PTPRD: variants seen among roughly 807,000 people sequenced by gnomAD.
PTPRD encodes the protein protein tyrosine phosphatase receptor type D.
A neutral mutation model predicts 214.5 loss-of-function variants in PTPRD; 34 were observed. That is an observed-to-expected ratio of 0.16 (90% CI 0.12 to 0.21). PTPRD has a LOEUF of 0.21. Ranked by LOEUF, PTPRD falls within the 10% of genes least tolerant of loss-of-function variation. The pLI, the probability that PTPRD is intolerant of heterozygous loss-of-function variation, is 1.00. For missense variants in PTPRD, 2,545 were observed against 2,398.7 expected (o/e 1.06, Z -1.27); for synonymous variants, 1,128 against 845.7 (o/e 1.33, Z -5.79).
At chr9:9,460,870 C>G (rs1013162854) in intron 8 of PTPRD, among the ~76,000 whole-genome samples, 5 of 152,064 alleles carry the variant, frequency 3.3e-5, no homozygotes, top group African/African-American at 9.7e-5. Context: ...GATACCTGCA[C>G]TCTTACGTTT....
At chr9:8,842,721 T>C (rs1233327255) in intron 11 of PTPRD, among the ~76,000 whole-genome samples, 1 of 152,200 alleles carries the variant, frequency 6.6e-6, no homozygotes, top group Non-Finnish European at 1.5e-5. Flanking sequence ...TTCTGAGATG[T>C]GCTTGTCAGC....
chr9:8,916,250 A>C (rs1271779615), intron 11 of PTPRD, among the ~76,000 whole-genome samples: 1 of 152,116 alleles, frequency 6.6e-6, no homozygotes, highest in Non-Finnish European at 1.5e-5. Flanking sequence ...TAGAGAGGGA[A>C]GGAAGAAGGG....
At chr9:10,010,027 G>T (rs911254859) in intron 4 of PTPRD, among the ~76,000 whole-genome samples, 1 of 151,902 alleles carries the variant, frequency 6.6e-6, no homozygotes, top group African/African-American at 2.4e-5. Flanking sequence ...CCTTGGCCGA[G>T]AGGAGGGGTC....
Position 8,534,593 on chromosome 9 carries a change from A to C in PTPRD, c.353-5814T>G, listed in dbSNP as rs1490532505. On this transcript the variant is annotated intron_variant, in intron 14 of 45. Transcript: ENST00000381196. ...AAACAAGAAAAATGATAGACGAGTA[A>C]TATGCAGCGTATTTTTAAAATGACA... 2.7e-5 allele frequency among the ~76,000 whole-genome samples: 4 copies of C among 150,504 alleles called. No individual in the cohort carries two copies. In the East Asian group the frequency reaches 8.1e-4, roughly 30 times the overall value.
intron 12 of PTPRD, among the ~76,000 whole-genome samples, chr9:8,660,126 A>G (rs1278693726): frequency 4.6e-5 from 7 of 152,226 alleles, no homozygotes; most frequent in Admixed American, 4.6e-4. Context: ...AAAAGCAAAC[A>G]TACCCACCTC....
intron 5 of PTPRD, among the ~76,000 whole-genome samples, chr9:9,819,243 A>G (rs771252767): frequency 2.6e-5 from 4 of 152,120 alleles, no homozygotes; most frequent in Non-Finnish European, 4.4e-5. Flanking sequence ...GTTTGGCTGG[A>G]GTATCGGCAG....
At chr9:9,636,011 G>C (rs1261180180) in intron 7 of PTPRD, among the ~76,000 whole-genome samples, 1 of 152,090 alleles carries the variant, frequency 6.6e-6, no homozygotes, top group Non-Finnish European at 1.5e-5. Context: ...ATATATGTAA[G>C]GCTTTCTCCA....
intron 3 of PTPRD, among the ~76,000 whole-genome samples, chr9:10,177,653 T>G (rs922749522): frequency 1.3e-5 from 2 of 151,910 alleles, no homozygotes; most frequent in African/African-American, 4.8e-5. Context: ...ATTATGTGAA[T>G]GAATTGGAGA....
intron 11 of PTPRD, among the ~76,000 whole-genome samples, chr9:8,925,706 A>G (rs1158344468): frequency 6.6e-6 from 1 of 150,934 alleles, no homozygotes; most frequent in Non-Finnish European, 1.5e-5. Flanking sequence ...CCTTTACGCC[A>G]CACCTCTAGG....
rs1264182906 is a variant in PTPRD, at chr9:8,528,765, T to C, written c.367A>G (p.Arg123Gly). 6.2e-7 allele frequency: 1 copy of C among 1,613,316 alleles called. No individual in the cohort carries two copies. Among genetic ancestry groups the C allele is most frequent in the South Asian group, 1.1e-5 (1 of 91,066 alleles). ...LTVLREDQIPRGFPTIDMGPQ... is the reference protein window; with the variant it reads ...LTVLREDQIPGGFPTIDMGPQ... ...CCCATGTCAATGGTAGGGAAGCCCC[T>C]GGGAATTTGATCTTCTGCAAGACAA... The change falls in exon 15 of 46, where the codon AGG becomes GGG. Residue 123 changes from arginine to glycine, a missense_variant. Arg to Gly is a moderately radical substitution (Grantham distance 125, BLOSUM62 -2). Transcript: ENST00000381196.
chr9:9,784,553 G>A (rs1037474439), intron 5 of PTPRD, among the ~76,000 whole-genome samples: 4 of 151,882 alleles, frequency 2.6e-5, no homozygotes, highest in South Asian at 4.1e-4. Flanking sequence ...CCATAAGGGA[G>A]CTCTAAAGTC....
At chr9:8,787,072 G>C (rs1394623647) in intron 11 of PTPRD, among the ~76,000 whole-genome samples, 1 of 152,022 alleles carries the variant, frequency 6.6e-6, no homozygotes, top group East Asian at 1.9e-4. Context: ...CTGGGCTCAA[G>C]CAATCCTCCT....
chr9:8,559,570 A>T (rs1204079694), intron 14 of PTPRD, among the ~76,000 whole-genome samples: 1 of 152,176 alleles, frequency 6.6e-6, no homozygotes, highest in Non-Finnish European at 1.5e-5. Context: ...CAAAGTAATA[A>T]ATTTCAGTTC....
At chr9:8,993,213 T>G (rs1567460186) in intron 11 of PTPRD, among the ~76,000 whole-genome samples, 1 of 152,142 alleles carries the variant, frequency 6.6e-6, no homozygotes, top group Non-Finnish European at 1.5e-5. Context: ...GGCTCTAAGG[T>G]TAGAACCATT....
chr9:10,089,236 A>AATAG (rs1555579365), intron 3 of PTPRD, among the ~76,000 whole-genome samples: 10 of 150,826 alleles, frequency 6.6e-5, no homozygotes, highest in African/African-American at 2.4e-4. Flanking sequence ...TAAATAAATA[A>AATAG]ATAGAAATAA....
intron 14 of PTPRD, among the ~76,000 whole-genome samples, chr9:8,621,328 C>A (rs377689413): frequency 2.0e-5 from 3 of 152,036 alleles, no homozygotes; most frequent in South Asian, 4.2e-4. Context: ...GTTAACCAGG[C>A]TTGTGTAAAA....
At chr9:10,546,999 G>A (rs2060300281) in intron 2 of PTPRD, among the ~76,000 whole-genome samples, 1 of 152,002 alleles carries the variant, frequency 6.6e-6, no homozygotes, top group Non-Finnish European at 1.5e-5. Flanking sequence ...AATGGAGGCA[G>A]GTCATCTGCT....
At chr9:9,533,707 AATG>A (rs1302394073) in intron 8 of PTPRD, among the ~76,000 whole-genome samples, 2 of 151,982 alleles carry the variant, frequency 1.3e-5, no homozygotes, top group Non-Finnish European at 2.9e-5. Flanking sequence ...CCTTAATATT[AATG>A]ATGATCTCTC....
At chr9:9,964,556 C>T (rs1168701408) in intron 4 of PTPRD, among the ~76,000 whole-genome samples, 1 of 152,134 alleles carries the variant, frequency 6.6e-6, no homozygotes, top group African/African-American at 2.4e-5. Context: ...GGGAGGAAAT[C>T]CTCTTGACGT....
Sources: allele counts gnomAD v4.1 joint callset (sites outside exome capture counted in the v4.1 genomes callset), GRCh38; gene constraint gnomAD v4.1.1; transcripts MANE v1.5; gene names NCBI Gene and HGNC (gene_info 2026-07-23, HGNC 2026-07-21).